Variants in CSNK1G3 observed in about 807,000 individuals in gnomAD.
CSNK1G3 encodes casein kinase 1 gamma 3.
Under a neutral mutation model 64.3 loss-of-function variants are expected in CSNK1G3, and 23 were observed. The observed-to-expected ratio is 0.36, with a 90% CI of 0.26 to 0.51. CSNK1G3 has a LOEUF of 0.51. CSNK1G3 is among the 20% of genes least tolerant of loss of function. The pLI, the probability that CSNK1G3 is intolerant of heterozygous loss-of-function variation, is 0.96. For missense variants in CSNK1G3, 357 were observed against 510.5 expected, an observed-to-expected ratio of 0.70 and a Z score of 2.90; for synonymous variants, 158 against 162.2, an observed-to-expected ratio of 0.97 and a Z score of 0.20.
chr5:123,594,684 T>C (rs1793088758), intron 10 of CSNK1G3, among the ~76,000 whole-genome samples: 1 of 152,196 alleles, frequency 6.6e-6, no homozygotes, highest in Admixed American at 6.5e-5. Context: ...GGTGGACTTC[T>C]AGTGTGCCCA....
intron 10 of CSNK1G3, among the ~76,000 whole-genome samples, chr5:123,603,490 C>G (rs1211388179): frequency 6.6e-6 from 1 of 151,912 alleles, no homozygotes; most frequent in Non-Finnish European, 1.5e-5. Flanking sequence ...CTCTCTTATC[C>G]TGGAGCTTAA....
At chr5:123,593,246 G>A (rs1452509827) in intron 10 of CSNK1G3, among the ~76,000 whole-genome samples, 1 of 149,898 alleles carries the variant, frequency 6.7e-6, no homozygotes, top group Non-Finnish European at 1.5e-5. Context: ...TAATATTTAG[G>A]CAATTCTTTA....
intron 2 of CSNK1G3, among the ~76,000 whole-genome samples, chr5:123,547,050 C>T (rs893403885): frequency 6.6e-6 from 1 of 152,090 alleles, no homozygotes; most frequent in African/African-American, 2.4e-5. Flanking sequence ...ACATTATTTA[C>T]GTGTTTATAA....
At chr5:123,586,812 T>C (rs866938361) in intron 6 of CSNK1G3, among the ~76,000 whole-genome samples, 2 of 152,314 alleles carry the variant, frequency 1.3e-5, no homozygotes, top group African/African-American at 4.8e-5. Context: ...AAGTTATACC[T>C]GAGACTGGGC....
intron 1 of CSNK1G3, among the ~76,000 whole-genome samples, chr5:123,529,963 C>G (rs1779667084): frequency 6.6e-6 from 1 of 151,906 alleles, no homozygotes; most frequent in Admixed American, 6.6e-5. Flanking sequence ...ATGGCAAAAC[C>G]CTGTCTCTAC....
chr5:123,565,306 T>C (rs1786639942), intron 4 of CSNK1G3, among the ~76,000 whole-genome samples: 3 of 152,184 alleles, frequency 2.0e-5, no homozygotes, highest in Non-Finnish European at 4.4e-5. Context: ...ACTGACTTCC[T>C]GCAAGGGTCT....
rs978923406 is a variant in CSNK1G3 at position 123,526,734 on chromosome 5, G to T, written c.-248+14164G>T. Reference sequence around the variant, plus strand: ...ATTTGAGAATCATCTATATTGTAGCGAGTGTCAGTGGTTTCTTTTTACTGC... The same window carrying T: ...ATTTGAGAATCATCTATATTGTAGCTAGTGTCAGTGGTTTCTTTTTACTGC... On this transcript the variant is annotated intron_variant, in intron 1 of 12. Transcript: ENST00000345990. Among the ~76,000 whole-genome samples the T allele has an allele frequency of 2.0e-5, 3 of 152,106 alleles. No individual in the cohort carries two copies. In the South Asian group the frequency reaches 6.2e-4, roughly 32 times the overall value.
At chr5:123,545,450 G>A (rs1293108064) in exon 2 of CSNK1G3, 1 of 426,804 alleles carries the variant, frequency 2.3e-6, no homozygotes, top group Non-Finnish European at 4.2e-6. Context: ...TCATTGAAAA[G>A]ATAATTTTGA....
At chr5:123,520,422 G>T (rs1167875255) in intron 1 of CSNK1G3, among the ~76,000 whole-genome samples, 2 of 149,528 alleles carry the variant, frequency 1.3e-5, no homozygotes, top group Non-Finnish European at 3.0e-5. Flanking sequence ...TCTCTATATT[G>T]TTTGGGTTTT....
At chr5:123,555,312 A>G (rs1784427720) in intron 3 of CSNK1G3, among the ~76,000 whole-genome samples, 1 of 152,190 alleles carries the variant, frequency 6.6e-6, no homozygotes, top group Admixed American at 6.5e-5. Flanking sequence ...AAAACTTTTC[A>G]CATACATTGT....
chr5:123,602,100 G>C (rs1453570597), intron 10 of CSNK1G3, among the ~76,000 whole-genome samples: 1 of 152,078 alleles, frequency 6.6e-6, no homozygotes, highest in Non-Finnish European at 1.5e-5. Context: ...TGACAGAAAG[G>C]GGGAAGCAAG....
At chr5:123,540,775 G>T (rs1781554403) in intron 1 of CSNK1G3, among the ~76,000 whole-genome samples, 1 of 152,068 alleles carries the variant, frequency 6.6e-6, no homozygotes, top group African/African-American at 2.4e-5. Context: ...TGGGACTACA[G>T]GCATGTGCCA....
chr5:123,543,114 C>T (rs947025569), intron 1 of CSNK1G3, among the ~76,000 whole-genome samples: 7 of 151,906 alleles, frequency 4.6e-5, no homozygotes, highest in African/African-American at 1.7e-4. Context: ...TTAGTTGTGT[C>T]ATGGATATTG....
chr5:123,557,210 T>C (rs1784814396), intron 3 of CSNK1G3, among the ~76,000 whole-genome samples: 2 of 152,124 alleles, frequency 1.3e-5, no homozygotes, highest in Admixed American at 6.5e-5. Flanking sequence ...ATCATTTCTC[T>C]AGTGATGAAT....
At chr5:123,560,056 G>A (rs986233769) in intron 4 of CSNK1G3, among the ~76,000 whole-genome samples, 6 of 151,934 alleles carry the variant, frequency 3.9e-5, no homozygotes, top group African/African-American at 1.5e-4. Flanking sequence ...ATTGAAAAAT[G>A]GACAAAGGAC....
intron 6 of CSNK1G3, among the ~76,000 whole-genome samples, chr5:123,581,710 A>T (rs78958407): frequency 0.019 from 1,767 of 90,678 alleles, 13 homozygotes; most frequent in Non-Finnish European, 0.027. Context: ...CTCTTTTTTT[A>T]AAAAAAAAAT....
intron 1 of CSNK1G3, 67 bp downstream of exon 1, chr5:123,512,637 C>G (rs1290205287): frequency 2.0e-5 from 3 of 147,326 alleles, no homozygotes; most frequent in African/African-American, 4.9e-5. Context: ...GGCGCGGCCG[C>G]GGCGCCCTCC....
chr5:123,542,165 A>G (rs778467750), intron 1 of CSNK1G3, among the ~76,000 whole-genome samples: 1 of 152,154 alleles, frequency 6.6e-6, no homozygotes, highest in South Asian at 2.1e-4. Flanking sequence ...TGAAATAAGT[A>G]TACATTGTGG....
intron 10 of CSNK1G3, 69 bp downstream of exon 11, chr5:123,595,203 C>T: frequency 7.4e-7 from 1 of 1,348,094 alleles, no homozygotes; most frequent in African/African-American, 1.5e-5. Context: ...TTTTGGAACT[C>T]ATGGCATGAT....
Sources: gnomAD v4.1 joint callset for allele counts (sites outside exome capture counted in the v4.1 genomes callset) on GRCh38, gnomAD v4.1.1 for gene constraint, MANE v1.5 for transcripts, NCBI Gene and HGNC (gene_info 2026-07-23, HGNC 2026-07-21) for gene names.